The following PAH variants were observed in gnomAD, a reference collection of about 807,000 sequenced individuals.
PAH encodes the protein phenylalanine-4-hydroxylase.
In PAH, 64 loss-of-function variants were observed where a neutral mutation model predicts 62.0. The ratio of observed to expected loss-of-function variants is 1.03; its 90% CI spans 0.84 to 1.27. PAH has a LOEUF of 1.27. Among genes scored for constraint, PAH ranks in the 50% most tolerant of loss-of-function variants. The pLI is 0.00. For synonymous variants in PAH, 195 were observed against 196.2 expected, an observed-to-expected ratio of 0.99 and a Z score of 0.05; for missense variants, 579 against 542.8, an observed-to-expected ratio of 1.07 and a Z score of -0.66.
In PAH at chr12:102,855,168, G is replaced by C. The variant is rs62517204; in HGVS notation, c.674C>G (p.Pro225Arg). The C allele has an allele frequency of 1.9e-6, 3 of 1,614,128 alleles. No homozygotes were observed. Among genetic ancestry groups the C allele is most frequent in the Non-Finnish European group, 2.5e-6 (3 of 1,179,978 alleles). Residue 225 changes from proline to arginine, a missense_variant, in exon 6 of 13, where the codon CCC becomes CGC. Coordinates refer to ENST00000553106, the MANE Select transcript of PAH (RefSeq NM_000277.3). ...KYCGFHEDNI[P>R]QLEDVSQFLQ... ...GAACTGAGAAACGTCTTCCAGCTGG[G>C]GAATGTTATCTTCATGGAAGCCACA...
chr12:102,837,720 C>A lies in PAH; in HGVS notation c.*1455G>T, dbSNP rs1236455829. ...GGACCTTGGTTTATAAAGTTTAACT[C>A]CCTCATTGTTAGAGTGACACTGAGG... is the stretch of plus-strand genomic sequence containing the variant. On this transcript the variant is annotated 3_prime_UTR_variant, in exon 13 of 13. Transcript: ENST00000553106. 6.6e-6 allele frequency: 1 copy of A among 152,146 alleles called. No individual in the cohort carries two copies. Among genetic ancestry groups the A allele is most frequent in the Non-Finnish European group, 1.5e-5 (1 of 68,028 alleles). 9.4% of individuals were successfully genotyped at this position (152,146 alleles called of 1,614,324 possible).
intron 2 of PAH, among the ~76,000 whole-genome samples, chr12:102,903,360 C>CA (rs34480214): frequency 0.22 from 28,443 of 131,734 alleles, 2,873 homozygotes; most frequent in Admixed American, 0.24. Context: ...GATTCTGTCT[C>CA]AAAAAAAAAA....
rs543784073 is a variant in PAH at position 102,843,540 on chromosome 12, G to T, written c.1199+106C>A. 7 of 1,090,124 alleles carry T rather than the reference G, an allele frequency of 6.4e-6. No homozygotes were observed. In the South Asian group the frequency reaches 9.0e-5, roughly 14 times the overall value. 67.5% of individuals were successfully genotyped at this position (1,090,124 alleles called of 1,614,324 possible). The stretch of plus-strand genomic sequence containing the variant: ...GGAGAGAAACTGTCTATGGTACAAA[G>T]TTGCTGTAGACATTGGAGTCCACTC... On this transcript the variant is annotated intron_variant, in intron 11 of 12. Coordinates refer to ENST00000553106, the MANE Select transcript of PAH (RefSeq NM_000277.3).
upstream of PAH, among the ~76,000 whole-genome samples, chr12:102,952,434 G>A (rs2136778729): frequency 6.6e-6 from 1 of 152,200 alleles, no homozygotes; most frequent in South Asian, 2.1e-4. Flanking sequence ...GAGGAGGGAA[G>A]GAAAGCCATG....
At chr12:102,890,183 G>GA (rs1196590080) in intron 3 of PAH, among the ~76,000 whole-genome samples, 1 of 152,166 alleles carries the variant, frequency 6.6e-6, no homozygotes, top group Non-Finnish European at 1.5e-5. Context: ...TTAAAAACTA[G>GA]AGTGGAAAGT....
intron 1 of PAH, among the ~76,000 whole-genome samples, chr12:102,924,501 A>G (rs1878633680): frequency 6.6e-6 from 1 of 152,186 alleles, no homozygotes; most frequent in Non-Finnish European, 1.5e-5. Context: ...ATATATGCAC[A>G]GCAAAGAGCA....
chr12:102,900,264 T>G (rs946425049), intron 2 of PAH, among the ~76,000 whole-genome samples: 1 of 152,074 alleles, frequency 6.6e-6, no homozygotes, highest in Non-Finnish European at 1.5e-5. Flanking sequence ...TTAACCAGGA[T>G]GGTCTTGATC....
intron 2 of PAH, among the ~76,000 whole-genome samples, chr12:102,899,672 A>G (rs923113955): frequency 1.3e-5 from 2 of 150,804 alleles, no homozygotes; most frequent in African/African-American, 4.9e-5. Flanking sequence ...ATCCCAGCTA[A>G]AACGGTGAAA....
At chr12:102,885,393 C>G (rs1484705881) in intron 3 of PAH, among the ~76,000 whole-genome samples, 2 of 152,198 alleles carry the variant, frequency 1.3e-5, no homozygotes, top group Non-Finnish European at 2.9e-5. Context: ...TGCCAAATAC[C>G]TCGGCCGGTG....
In PAH at chr12:102,836,957, C is replaced by T. The variant is rs1475662625; in HGVS notation, c.*2218G>A. On this transcript the variant is annotated 3_prime_UTR_variant, in exon 13 of 13. Transcript: ENST00000553106. Reference sequence around the variant, plus strand: ...ACAACTAAATTATATAACTTAGAAACCTACAGTTAAAATTCAGATTCCTAC... The same window carrying T: ...ACAACTAAATTATATAACTTAGAAATCTACAGTTAAAATTCAGATTCCTAC... 2.0e-5 allele frequency: 3 copies of T among 152,104 alleles called. No individual in the cohort carries two copies. The highest frequency in any genetic ancestry group is 6.5e-5 in the Admixed American group (1 of 15,282). The allele number at this position is 152,104 out of a possible 1,614,324, so 9.4% of individuals were successfully genotyped here.
chr12:102,903,492 T>C (rs1877850190), intron 2 of PAH, among the ~76,000 whole-genome samples: 1 of 152,176 alleles, frequency 6.6e-6, no homozygotes, highest in Non-Finnish European at 1.5e-5. Flanking sequence ...GATGAGGTCA[T>C]TGATCTCTGA....
In PAH at chr12:102,837,314, C is replaced by G. The variant is rs1382177338; in HGVS notation, c.*1861G>C. 6.6e-6 allele frequency: 1 copy of G among 152,178 alleles called. No homozygotes were observed. Among genetic ancestry groups the G allele is most frequent in the Non-Finnish European group, 1.5e-5 (1 of 68,024 alleles). The allele number at this position is 152,178 out of a possible 1,614,324, so 9.4% of individuals were successfully genotyped here. A position where few individuals can be genotyped will look rare whatever the true frequency, so the allele number is the denominator to read the frequency against. On this transcript the variant is annotated 3_prime_UTR_variant, in exon 13 of 13. Coordinates refer to ENST00000553106, the MANE Select transcript of PAH (RefSeq NM_000277.3). ...TTTACCTTCAAGCTCATTAAAACAT[C>G]TTTACTGGACTAAAACTCACTCTTC...
chr12:102,903,592 G>A (rs2136714335), intron 2 of PAH, among the ~76,000 whole-genome samples: 1 of 152,122 alleles, frequency 6.6e-6, no homozygotes, highest in Non-Finnish European at 1.5e-5. Flanking sequence ...GCAGGAGTAG[G>A]GCACAAAAAA....
At chr12:102,939,593 T>A (rs1376637859) in intron 1 of PAH, among the ~76,000 whole-genome samples, 1 of 152,126 alleles carries the variant, frequency 6.6e-6, no homozygotes, top group East Asian at 1.9e-4. Context: ...CAGAGCTTCA[T>A]CATGCAGCTT....
Position 102,879,263 on chromosome 12 carries a change from G to C in PAH, c.353-1713C>G, listed in dbSNP as rs547990727. On this transcript the variant is annotated intron_variant, in intron 3 of 12. Coordinates refer to ENST00000553106, the MANE Select transcript of PAH (RefSeq NM_000277.3). ...CTACTTGAATCTGAGGATTGCTGTG[G>C]GCAGTGATGAGAAACAAGCAAAGGG... Among the ~76,000 whole-genome samples the C allele has an allele frequency of 2.6e-5, 4 of 152,162 alleles. No homozygotes were observed. The East Asian group carries it at 5.8e-4, about 22-fold the overall frequency.
chr12:102,920,488 C>T (rs183498803), upstream of PAH, among the ~76,000 whole-genome samples: 2 of 152,198 alleles, frequency 1.3e-5, no homozygotes. Context: ...GATTACCCAA[C>T]CATTGCAGGT....
At chr12:102,899,719 C>T (rs1342750093) in intron 2 of PAH, among the ~76,000 whole-genome samples, 2 of 148,654 alleles carry the variant, frequency 1.3e-5, no homozygotes, top group African/African-American at 5.0e-5. Flanking sequence ...ATTAGCCGGG[C>T]GTAGTGGCGG....
At chr12:102,922,225 C>T (rs1403120268), upstream of PAH, among the ~76,000 whole-genome samples, 5 of 133,440 alleles carry the variant, frequency 3.7e-5, no homozygotes, top group African/African-American at 8.9e-5. Context: ...GATGAAGTCT[C>T]GCTCTGTTGC....
intron 5 of PAH, among the ~76,000 whole-genome samples, chr12:102,861,966 T>TAAAAAAA (rs71097947): frequency 1.9e-4 from 25 of 128,438 alleles, no homozygotes; most frequent in Non-Finnish European, 3.0e-4. Flanking sequence ...ACTTAAAGTA[T>TAAAAAAA]AAAAAAAAAA....
Sources: gnomAD v4.1 joint callset for allele counts (sites outside exome capture counted in the v4.1 genomes callset) on GRCh38, gnomAD v4.1.1 for gene constraint, MANE v1.5 for transcripts, NCBI Gene and HGNC (gene_info 2026-07-23, HGNC 2026-07-21) for gene names.